GRM7: variants seen among roughly 807,000 people sequenced by gnomAD.
The protein encoded by GRM7 is metabotropic glutamate receptor 7.
In GRM7, 35 loss-of-function variants were observed where a neutral mutation model predicts 84.5. The observed-to-expected ratio is 0.41, with a 90% CI of 0.32 to 0.55. GRM7 has a LOEUF of 0.55. Ranked by LOEUF, GRM7 falls within the 20% of genes least tolerant of loss-of-function variation. The probability of loss-of-function intolerance (pLI) is 0.19; values close to 1 mark genes in which losing one functional copy is unlikely to be tolerated. For missense variants in GRM7, 1,003 were observed against 1,194.6 expected, an observed-to-expected ratio of 0.84 and a Z score of 2.36; for synonymous variants, 487 against 455.1, an observed-to-expected ratio of 1.07 and a Z score of -0.89.
intron 4 of GRM7, among the ~76,000 whole-genome samples, chr3:7,403,647 A>ATATATATATG (rs1175647754): frequency 3.5e-5 from 5 of 144,022 alleles, no homozygotes; most frequent in Admixed American, 7.0e-5. Context: ...ATATATATAT[A>ATATATATATG]TATGTACATA....
intron 1 of GRM7, among the ~76,000 whole-genome samples, chr3:7,131,640 A>T (rs1287276352): frequency 6.7e-6 from 1 of 149,446 alleles, no homozygotes; most frequent in Non-Finnish European, 1.5e-5. Context: ...CACCATGCCC[A>T]GTTAATTTTT....
intron 7 of GRM7, among the ~76,000 whole-genome samples, chr3:7,471,531 C>T (rs549711358): frequency 6.6e-6 from 1 of 152,226 alleles, no homozygotes; most frequent in South Asian, 2.1e-4. Flanking sequence ...AGGTCAAGTT[C>T]CTCTGAGCAT....
At chr3:7,588,711 A>G (rs13079947) in intron 8 of GRM7, among the ~76,000 whole-genome samples, 8,857 of 152,282 alleles carry the variant, frequency 0.058, 308 homozygotes, top group Middle Eastern at 0.095. Context: ...CGATGTCTCT[A>G]TATACCTGAA....
intron 1 of GRM7, among the ~76,000 whole-genome samples, chr3:6,987,412 A>T (rs1260494949): frequency 6.6e-6 from 1 of 151,936 alleles, no homozygotes; most frequent in Non-Finnish European, 1.5e-5. Flanking sequence ...AAAAAAAAAA[A>T]ATCCCTGATA....
At chr3:7,090,271 G>C (rs986997060) in intron 1 of GRM7, among the ~76,000 whole-genome samples, 8 of 152,176 alleles carry the variant, frequency 5.3e-5, no homozygotes, top group African/African-American at 1.4e-4. Flanking sequence ...ATTTGTTTGT[G>C]ACAATGGGAA....
chr3:6,993,126 A>G (rs907495930), intron 1 of GRM7, among the ~76,000 whole-genome samples: 42 of 152,322 alleles, frequency 2.8e-4, no homozygotes, highest in African/African-American at 8.4e-4. Context: ...AGGAAAGAAA[A>G]CAAGAATGAG....
chr3:6,913,879 C>G (rs1448300522), intron 1 of GRM7, among the ~76,000 whole-genome samples: 1 of 152,100 alleles, frequency 6.6e-6, no homozygotes, highest in Admixed American at 6.6e-5. Context: ...GCCTTCTTGG[C>G]GTGCCATGCC....
chr3:6,999,464 C>G (rs1240284878), intron 1 of GRM7, among the ~76,000 whole-genome samples: 4 of 152,154 alleles, frequency 2.6e-5, no homozygotes, highest in African/African-American at 9.7e-5. Context: ...CAACCTCTGC[C>G]TGTTTCCCAT....
At chr3:7,557,559 T>G (rs1050665659) in intron 7 of GRM7, among the ~76,000 whole-genome samples, 2 of 152,160 alleles carry the variant, frequency 1.3e-5, no homozygotes, top group African/African-American at 4.8e-5. Context: ...TTTATCCTTC[T>G]GATCAACTTC....
At chr3:7,311,159 T>C (rs1700377358) in intron 4 of GRM7, among the ~76,000 whole-genome samples, 1 of 152,216 alleles carries the variant, frequency 6.6e-6, no homozygotes, top group Non-Finnish European at 1.5e-5. Context: ...TTAAAAAAGA[T>C]AGATTCAAAT....
At chr3:7,589,981 A>G (rs1301533812) in intron 8 of GRM7, among the ~76,000 whole-genome samples, 1 of 152,180 alleles carries the variant, frequency 6.6e-6, no homozygotes, top group African/African-American at 2.4e-5. Flanking sequence ...TGACTAGTAG[A>G]TGTACTGAAA....
In GRM7 at chr3:7,646,378, G is replaced by A. The variant is rs181193547; in HGVS notation, c.2452-33671G>A. ...GGCTAATTTTTTTGTATTTTTAGTA[G>A]AGAGGGGGTTTCACCATGTTGGTCA... On this transcript the variant is annotated intron_variant, in intron 8 of 9. Transcript: ENST00000357716. 2.4e-3 allele frequency among the ~76,000 whole-genome samples: 360 copies of A among 152,130 alleles called. 1 individual carries two copies. Among genetic ancestry groups the A allele is most frequent in the South Asian group, 8.3e-3 (40 of 4,818 alleles).
chr3:7,507,012 C>T (rs941006744), intron 7 of GRM7, among the ~76,000 whole-genome samples: 1 of 152,152 alleles, frequency 6.6e-6, no homozygotes, highest in Admixed American at 6.5e-5. Flanking sequence ...ATTATGTCTT[C>T]AGTGTGAGCT....
intron 7 of GRM7, among the ~76,000 whole-genome samples, chr3:7,470,278 A>G (rs1266213719): frequency 2.0e-5 from 3 of 152,228 alleles, no homozygotes; most frequent in Admixed American, 6.5e-5. Flanking sequence ...AAAATCAGCA[A>G]TAATATGTCA....
intron 7 of GRM7, among the ~76,000 whole-genome samples, chr3:7,568,261 T>C (rs1386317068): frequency 6.6e-6 from 1 of 152,214 alleles, no homozygotes; most frequent in Admixed American, 6.5e-5. Context: ...AAAGACAAGA[T>C]GTATTAGACT....
chr3:7,087,165 A>C (rs557333469), intron 1 of GRM7, among the ~76,000 whole-genome samples: 15 of 152,148 alleles, frequency 9.9e-5, no homozygotes, highest in Non-Finnish European at 2.2e-4. Context: ...ATGATTAAGA[A>C]ATTTATTTAG....
At chr3:7,725,699 C>T (rs1702099574) in intron 9 of GRM7, among the ~76,000 whole-genome samples, 1 of 152,224 alleles carries the variant, frequency 6.6e-6, no homozygotes, top group South Asian at 2.1e-4. Flanking sequence ...TGAGGATAAG[C>T]TGACAAGTTC....
rs557573271 is a variant in GRM7, at chr3:7,074,488, TTA to T, written c.520-71962_520-71961del. Among the ~76,000 whole-genome samples, 9 of 152,332 alleles carry T rather than the reference TTA, an allele frequency of 5.9e-5. No homozygotes were observed. In the East Asian group the frequency reaches 1.5e-3, roughly 26 times the overall value. On this transcript the variant is annotated intron_variant, in intron 1 of 9. Transcript: ENST00000357716. ...GAATTTCTTCTAGTCTGTGAATTAT[TTA>T]TGTTACTGTTCTGCGACATTATAAA...
chr3:7,568,782 G>A (rs918647407), intron 7 of GRM7, among the ~76,000 whole-genome samples: 5 of 152,094 alleles, frequency 3.3e-5, no homozygotes, highest in East Asian at 1.9e-4. Context: ...CAACAGTACC[G>A]GCCCACTGGC....
Sources: allele counts gnomAD v4.1 joint callset (sites outside exome capture counted in the v4.1 genomes callset), GRCh38; gene constraint gnomAD v4.1.1; transcripts MANE v1.5; gene names NCBI Gene and HGNC (gene_info 2026-07-23, HGNC 2026-07-21).